PLCB1: variants seen among roughly 807,000 people sequenced by gnomAD.
The protein encoded by PLCB1 is phospholipase C beta 1.
PLCB1 carries 46 observed loss-of-function variants against 161.8 expected under a neutral mutation model. The ratio of observed to expected loss-of-function variants is 0.28; its 90% CI spans 0.22 to 0.36. The LOEUF (loss-of-function observed/expected upper bound fraction) is 0.36. PLCB1 is among the 10% of genes least tolerant of loss of function. PLCB1 has a pLI of 1.00. For missense variants in PLCB1, 1,016 were observed against 1,472.5 expected (o/e 0.69, Z 5.07); for synonymous variants, 517 against 503.7 (o/e 1.03, Z -0.35).
chr20:8,653,776 G>T (rs1989380369), intron 7 of PLCB1, among the ~76,000 whole-genome samples: 1 of 151,886 alleles, frequency 6.6e-6, no homozygotes, highest in Non-Finnish European at 1.5e-5. Context: ...TTAGTGTACT[G>T]GTTTACAGTA....
At chr20:8,505,739 A>C (rs1666787196) in intron 3 of PLCB1, among the ~76,000 whole-genome samples, 1 of 152,212 alleles carries the variant, frequency 6.6e-6, no homozygotes, top group Non-Finnish European at 1.5e-5. Context: ...GAGAAGAGGG[A>C]AAATACAGTT....
chr20:8,179,477 A>G (rs1390552302), intron 2 of PLCB1, among the ~76,000 whole-genome samples: 2 of 152,196 alleles, frequency 1.3e-5, no homozygotes, highest in African/African-American at 2.4e-5. Flanking sequence ...AATTTCATAC[A>G]TTGATTTTGT....
intron 9 of PLCB1, among the ~76,000 whole-genome samples, chr20:8,659,827 A>G (rs13043015): frequency 0.19 from 29,102 of 151,908 alleles, 3,356 homozygotes; most frequent in Non-Finnish European, 0.25. Context: ...TCCTGTCTCT[A>G]TTAAAAATAC....
intron 2 of PLCB1, among the ~76,000 whole-genome samples, chr20:8,182,001 G>C (rs965820013): frequency 6.6e-6 from 1 of 151,938 alleles, no homozygotes; most frequent in Non-Finnish European, 1.5e-5. Flanking sequence ...CACTAATACT[G>C]ATATTTAAGA....
rs542444526 is a variant in PLCB1, at chr20:8,674,054, C to T, written c.863-10878C>T. Among the ~76,000 whole-genome samples, 19 of 152,304 alleles carry T rather than the reference C, an allele frequency of 1.2e-4. No homozygotes were observed. In the South Asian group the frequency reaches 3.7e-3, roughly 30 times the overall value. ...GGTATAAATACTCCAGCTCCCTCCC[C>T]CCTTAAATGGGATCACCTTCAAGTA... On this transcript the variant is annotated intron_variant, in intron 9 of 31. Coordinates refer to ENST00000338037, the MANE Select transcript of PLCB1 (RefSeq NM_015192.4).
chr20:8,509,998 T>C lies in PLCB1; in HGVS notation c.247-118296T>C, dbSNP rs950642149. On this transcript the variant is annotated intron_variant, in intron 3 of 31. Transcript: ENST00000338037. ...CAGAGGCTATATTGTGAAACACTTATTATTCACCATTATTTCTGGCAGTGA... is the reference window on the plus strand; with the variant it reads ...CAGAGGCTATATTGTGAAACACTTACTATTCACCATTATTTCTGGCAGTGA... Among the ~76,000 whole-genome samples, 10 of 152,220 alleles carry C rather than the reference T, an allele frequency of 6.6e-5. No homozygotes were observed. The East Asian group carries it at 1.7e-3, about 26-fold the overall frequency.
At chr20:8,748,569 A>C (rs1186629580) in intron 23 of PLCB1, among the ~76,000 whole-genome samples, 1 of 152,172 alleles carries the variant, frequency 6.6e-6, no homozygotes, top group Non-Finnish European at 1.5e-5. Flanking sequence ...TTCAATATCC[A>C]TGTCATGTCC....
At chr20:8,763,668 G>C (rs1278175715) in intron 25 of PLCB1, among the ~76,000 whole-genome samples, 1 of 151,446 alleles carries the variant, frequency 6.6e-6, no homozygotes, top group Non-Finnish European at 1.5e-5. Context: ...TTACAGGCAT[G>C]CGCCACCACA....
At chr20:8,189,443 G>A (rs951301268) in intron 2 of PLCB1, among the ~76,000 whole-genome samples, 1 of 151,486 alleles carries the variant, frequency 6.6e-6, no homozygotes, top group African/African-American at 2.4e-5. Context: ...TTAGTATTAG[G>A]AAGGATTTTA....
chr20:8,792,255 A>G lies in PLCB1; in HGVS notation c.3423+1994A>G, dbSNP rs542382622. On this transcript the variant is annotated intron_variant, in intron 31 of 31. Transcript: ENST00000338037. ...AGCTGGTGTTTCCTCATTGGGTACA[A>G]TGGCCTCATATTCCCATTCTTAAAC... The G allele has an allele frequency of 4.6e-5, 9 of 196,746 alleles. No homozygotes were observed. In the South Asian group the frequency reaches 8.6e-4, roughly 19 times the overall value. 12.2% of individuals were successfully genotyped at this position (196,746 alleles called of 1,614,324 possible).
chr20:8,711,039 A>G (rs1304231618), intron 12 of PLCB1, among the ~76,000 whole-genome samples: 1 of 152,102 alleles, frequency 6.6e-6, no homozygotes, highest in Non-Finnish European at 1.5e-5. Flanking sequence ...CTTACCACAA[A>G]CCCAGGTGCT....
chr20:8,660,788 C>G (rs2123328606), intron 9 of PLCB1, among the ~76,000 whole-genome samples: 1 of 152,246 alleles, frequency 6.6e-6, no homozygotes, highest in South Asian at 2.1e-4. Context: ...GCAACTTTAT[C>G]TGTTTTTCTA....
At chr20:8,681,117 TATA>T (rs1990209129) in intron 9 of PLCB1, among the ~76,000 whole-genome samples, 2 of 103,314 alleles carry the variant, frequency 1.9e-5, no homozygotes, top group Admixed American at 9.2e-5. Flanking sequence ...TATATATATA[TATA>T]ATATATATAA....
At chr20:8,742,822 T>C (rs917787880) in intron 23 of PLCB1, among the ~76,000 whole-genome samples, 10 of 152,222 alleles carry the variant, frequency 6.6e-5, no homozygotes, top group African/African-American at 2.4e-4. Context: ...TTTATTTTAT[T>C]TGTGGGTACA....
chr20:8,306,752 C>T (rs112157516), intron 2 of PLCB1, among the ~76,000 whole-genome samples: 3 of 152,116 alleles, frequency 2.0e-5, no homozygotes, highest in Non-Finnish European at 2.9e-5. Flanking sequence ...CAATTTTGTA[C>T]GTGAACAGTT....
At chr20:8,465,124 T>C (rs956703305) in intron 3 of PLCB1, among the ~76,000 whole-genome samples, 9 of 152,186 alleles carry the variant, frequency 5.9e-5, no homozygotes, top group Admixed American at 1.3e-4. Context: ...TGTGCTCTTC[T>C]TATTCATGTT....
intron 3 of PLCB1, among the ~76,000 whole-genome samples, chr20:8,468,027 G>A (rs1294042607): frequency 6.6e-6 from 1 of 152,170 alleles, no homozygotes; most frequent in Non-Finnish European, 1.5e-5. Context: ...CACAGAGATT[G>A]TGTGGAACAA....
At chr20:8,700,331 TC>T (rs1990670503) in intron 11 of PLCB1, among the ~76,000 whole-genome samples, 1 of 152,256 alleles carries the variant, frequency 6.6e-6, no homozygotes, top group Non-Finnish European at 1.5e-5. Flanking sequence ...TTCTCTGAGT[TC>T]CTTGTGGGAG....
chr20:8,490,618 TCTTA>T (rs1982904885), intron 3 of PLCB1, among the ~76,000 whole-genome samples: 3 of 152,304 alleles, frequency 2.0e-5, no homozygotes, highest in East Asian at 3.9e-4. Flanking sequence ...TGCTCCACTT[TCTTA>T]CTAACACTTT....
Sources: gnomAD v4.1 joint callset for allele counts (sites outside exome capture counted in the v4.1 genomes callset) on GRCh38, gnomAD v4.1.1 for gene constraint, MANE v1.5 for transcripts, NCBI Gene and HGNC (gene_info 2026-07-23, HGNC 2026-07-21) for gene names.